SYT1: variants seen among roughly 807,000 people sequenced by gnomAD.
SYT1 encodes the protein synaptotagmin 1.
A neutral mutation model predicts 44.8 loss-of-function variants in SYT1; 8 were observed. The observed-to-expected ratio is 0.18, with a 90% CI of 0.10 to 0.32. SYT1 has a LOEUF of 0.32. Among genes scored for constraint, SYT1 ranks in the 10% least tolerant of loss-of-function variants. SYT1 has a pLI of 1.00. For missense variants in SYT1, 286 were observed against 509.3 expected, an observed-to-expected ratio of 0.56 and a Z score of 4.22; for synonymous variants, 154 against 188.8, an observed-to-expected ratio of 0.82 and a Z score of 1.51.
intron 4 of SYT1, among the ~76,000 whole-genome samples, chr12:79,231,617 C>A (rs901270066): frequency 6.6e-6 from 1 of 151,802 alleles, no homozygotes; most frequent in African/African-American, 2.4e-5. Flanking sequence ...GATCTTGGGA[C>A]AATAAACTAT....
intron 1 of SYT1, among the ~76,000 whole-genome samples, chr12:78,948,287 T>A (rs1878777698): frequency 6.6e-6 from 1 of 151,946 alleles, no homozygotes; most frequent in African/African-American, 2.4e-5. Flanking sequence ...AAAATGCAAT[T>A]TACAGAATGT....
chr12:79,332,922 T>C (rs1412600920), intron 8 of SYT1, among the ~76,000 whole-genome samples: 3 of 152,178 alleles, frequency 2.0e-5, no homozygotes, highest in Non-Finnish European at 4.4e-5. Flanking sequence ...CTAATTATAT[T>C]ATTTTCACAG....
intron 8 of SYT1, among the ~76,000 whole-genome samples, chr12:79,305,911 GGT>G (rs749373999): frequency 6.6e-6 from 1 of 152,104 alleles, no homozygotes; most frequent in Non-Finnish European, 1.5e-5. Context: ...TGGCCAGCCT[GGT>G]CTCGAACTCA....
intron 3 of SYT1, among the ~76,000 whole-genome samples, chr12:79,157,277 A>G (rs537172365): frequency 1.3e-5 from 2 of 152,310 alleles, no homozygotes; most frequent in African/African-American, 2.4e-5. Flanking sequence ...AGGCATGACT[A>G]TCATTCACCC....
chr12:79,022,811 G>C (rs1185321235), intron 2 of SYT1, among the ~76,000 whole-genome samples: 1 of 151,570 alleles, frequency 6.6e-6, no homozygotes, highest in Non-Finnish European at 1.5e-5. Context: ...TTTGAGAACT[G>C]TGCTAAATTA....
At chr12:79,381,135 T>C (rs1383425229) in intron 9 of SYT1, among the ~76,000 whole-genome samples, 1 of 152,216 alleles carries the variant, frequency 6.6e-6, no homozygotes, top group Non-Finnish European at 1.5e-5. Context: ...TAGTTTTTAT[T>C]CCTTGAAACA....
At chr12:79,009,871 T>C (rs1343323510) in intron 2 of SYT1, among the ~76,000 whole-genome samples, 1 of 152,166 alleles carries the variant, frequency 6.6e-6, no homozygotes, top group African/African-American at 2.4e-5. Context: ...CACAGGTACT[T>C]TGAGCTTAGC....
At chr12:79,124,799 A>C (rs946070140) in intron 3 of SYT1, among the ~76,000 whole-genome samples, 1 of 151,586 alleles carries the variant, frequency 6.6e-6, no homozygotes, top group Non-Finnish European at 1.5e-5. Context: ...TTGTATCTCT[A>C]CTCTTTTTTT....
At chr12:79,233,415 G>C (rs1202432534) in intron 4 of SYT1, among the ~76,000 whole-genome samples, 1 of 152,184 alleles carries the variant, frequency 6.6e-6, no homozygotes, top group Non-Finnish European at 1.5e-5. Flanking sequence ...CTTGTGTGAG[G>C]TTTGCTTTGC....
intron 3 of SYT1, among the ~76,000 whole-genome samples, chr12:79,113,394 T>G (rs959728643): frequency 6.6e-6 from 1 of 152,146 alleles, no homozygotes; most frequent in Non-Finnish European, 1.5e-5. Context: ...TATCTTATAC[T>G]AGAGAGATAT....
At chr12:78,957,807 TA>T (rs1879289717) in intron 1 of SYT1, among the ~76,000 whole-genome samples, 3 of 152,102 alleles carry the variant, frequency 2.0e-5, no homozygotes, top group Non-Finnish European at 4.4e-5. Flanking sequence ...ACTCACAAAA[TA>T]AGTAAATAAA....
intron 1 of SYT1, among the ~76,000 whole-genome samples, chr12:78,970,105 G>C (rs1868340282): frequency 6.6e-6 from 1 of 152,146 alleles, no homozygotes; most frequent in Non-Finnish European, 1.5e-5. Context: ...ATTAATGATG[G>C]AAATTGAGAG....
intron 3 of SYT1, among the ~76,000 whole-genome samples, chr12:79,155,521 A>G (rs1011364287): frequency 6.6e-6 from 1 of 152,212 alleles, no homozygotes. Flanking sequence ...CTTTCTTCTC[A>G]TCTAGGCATC....
chr12:79,386,219 T>TA (rs1174123723), intron 9 of SYT1, among the ~76,000 whole-genome samples: 1 of 152,180 alleles, frequency 6.6e-6, no homozygotes, highest in Non-Finnish European at 1.5e-5. Flanking sequence ...CAAAAACACA[T>TA]ATTTATTTAA....
At chr12:79,303,578 T>A (rs950018984) in intron 8 of SYT1, among the ~76,000 whole-genome samples, 1 of 152,142 alleles carries the variant, frequency 6.6e-6, no homozygotes, top group Admixed American at 6.6e-5. Flanking sequence ...TGGAAAAAAA[T>A]TGATTGCAGA....
chr12:79,231,425 A>G (rs938954180), intron 4 of SYT1, among the ~76,000 whole-genome samples: 5 of 152,172 alleles, frequency 3.3e-5, no homozygotes, highest in African/African-American at 9.7e-5. Flanking sequence ...GAGAAATTTC[A>G]AAACCACTTG....
chr12:79,312,172 T>C (rs1880839373), intron 8 of SYT1, among the ~76,000 whole-genome samples: 1 of 152,082 alleles, frequency 6.6e-6, no homozygotes, highest in Admixed American at 6.5e-5. Context: ...AGTCTAAGAC[T>C]AAAATGCTAA....
chr12:78,983,099 TC>T (rs1488697733), intron 2 of SYT1, among the ~76,000 whole-genome samples: 10 of 151,718 alleles, frequency 6.6e-5, no homozygotes, highest in African/African-American at 1.7e-4. Context: ...TTTTTTTTTT[TC>T]AGTCAGTAAT....
rs539425186 is a variant in SYT1, at chr12:79,184,552, C to T, written c.-17-32951C>T. Among the ~76,000 whole-genome samples, 13 of 152,102 alleles carry T rather than the reference C, an allele frequency of 8.5e-5. No homozygotes were observed. The South Asian group carries it at 2.7e-3, about 32-fold the overall frequency. ...AGAGATTATAATGAGATGAGATTAG[C>T]ATGGGCATTACAAAGATTTTTGCCA... On this transcript the variant is annotated intron_variant, in intron 3 of 10. Transcript: ENST00000261205.
Sources: allele counts gnomAD v4.1 joint callset (sites outside exome capture counted in the v4.1 genomes callset), GRCh38; gene constraint gnomAD v4.1.1; transcripts MANE v1.5; gene names NCBI Gene and HGNC (gene_info 2026-07-23, HGNC 2026-07-21).